Variants in DMD observed in about 807,000 individuals in gnomAD.
DMD encodes mutant dystrophin.
A neutral mutation model predicts 330.1 loss-of-function variants in DMD; 63 were observed. That is an observed-to-expected ratio of 0.19 (90% CI 0.16 to 0.24). The LOEUF (loss-of-function observed/expected upper bound fraction) is 0.24, where lower values mean the gene tolerates loss of function less well. DMD is among the 10% of genes least tolerant of loss of function. The pLI is 1.00. For synonymous variants in DMD, 1,223 were observed against 959.8 expected (o/e 1.27, Z -5.07); for missense variants, 3,344 against 2,684.1 (o/e 1.25, Z -5.43).
intron 44 of DMD, among the ~76,000 whole-genome samples, chrX:32,120,869 T>G (rs1056890294): frequency 4.5e-5 from 5 of 112,305 alleles, no homozygotes; most frequent in African/African-American, 1.6e-4. Flanking sequence ...TGTATTATAA[T>G]AGCAACCAAA....
intron 41 of DMD, among the ~76,000 whole-genome samples, chrX:32,312,868 A>G (rs2097568034): frequency 9.8e-6 from 1 of 101,967 alleles, no homozygotes; most frequent in African/African-American, 3.5e-5. Flanking sequence ...TCCCAAGACT[A>G]AACCAGGAAG....
At chrX:33,336,874 A>G (rs2054262169) in intron 1 of DMD, among the ~76,000 whole-genome samples, 1 of 111,057 alleles carries the variant, frequency 9.0e-6, no homozygotes, top group Non-Finnish European at 1.9e-5. Flanking sequence ...AGCAAGAAAT[A>G]TTGGCAGACA....
At chrX:31,718,637 A>G (rs28430385) in intron 52 of DMD, among the ~76,000 whole-genome samples, 14,981 of 110,190 alleles carry the variant, frequency 0.14, 900 homozygotes, top group Admixed American at 0.3. Context: ...TCTCTCCCCA[A>G]CATACGAGGA....
At chrX:32,378,713 G>A (rs1173563791) in intron 34 of DMD, among the ~76,000 whole-genome samples, 1 of 110,583 alleles carries the variant, frequency 9.0e-6, no homozygotes, top group African/African-American at 3.3e-5. Flanking sequence ...ATTTGCTGCA[G>A]TCACATTCCA....
At chrX:31,914,751 G>A (rs751395961) in intron 47 of DMD, among the ~76,000 whole-genome samples, 48 of 112,128 alleles carry the variant, frequency 4.3e-4, no homozygotes, top group African/African-American at 1.4e-3. Context: ...TGGAGGAGTC[G>A]GGGAGGGGGC....
chrX:31,928,601 G>C (rs1207875562), intron 47 of DMD, among the ~76,000 whole-genome samples: 3 of 108,976 alleles, frequency 2.8e-5, no homozygotes, highest in Non-Finnish European at 3.8e-5. Context: ...GCGAGACTCT[G>C]TCTCCAAAAA....
chrX:32,928,123 T>G (rs941111377), intron 2 of DMD, among the ~76,000 whole-genome samples: 6 of 111,148 alleles, frequency 5.4e-5, no homozygotes, highest in African/African-American at 2.0e-4. Flanking sequence ...TATAAAACAT[T>G]AGAAATATTA....
intron 1 of DMD, among the ~76,000 whole-genome samples, chrX:33,141,807 C>T (rs1399329362): frequency 9.0e-6 from 1 of 111,481 alleles, no homozygotes; most frequent in Non-Finnish European, 1.9e-5. Context: ...GCAGTGAATC[C>T]ACAAAAACAG....
intron 44 of DMD, among the ~76,000 whole-genome samples, chrX:32,112,819 C>T (rs1472800444): frequency 9.0e-6 from 1 of 111,338 alleles, no homozygotes; most frequent in East Asian, 2.8e-4. Context: ...TAACAACCTC[C>T]TAGGGAAATC....
At chrX:32,555,794 C>T (rs1182125667) in intron 16 of DMD, among the ~76,000 whole-genome samples, 1 of 111,838 alleles carries the variant, frequency 8.9e-6, no homozygotes, top group African/African-American at 3.3e-5. Context: ...TGGACTTCTT[C>T]CTTACAATCT....
intron 4 of DMD, among the ~76,000 whole-genome samples, chrX:32,834,397 A>G (rs1420480634): frequency 8.9e-6 from 1 of 111,879 alleles, no homozygotes; most frequent in African/African-American, 3.2e-5. Context: ...TGGCTATTTA[A>G]GTTTCTGAAT....
intron 2 of DMD, among the ~76,000 whole-genome samples, chrX:32,998,123 G>C (rs2093173594): frequency 9.1e-6 from 1 of 109,946 alleles, no homozygotes; most frequent in Non-Finnish European, 1.9e-5. Context: ...CTCTTTGGGA[G>C]GCTGAGACTG....
At chrX:31,461,193 TA>T (rs2066506000) in intron 59 of DMD, among the ~76,000 whole-genome samples, 1 of 112,038 alleles carries the variant, frequency 8.9e-6, no homozygotes, top group African/African-American at 3.2e-5. Context: ...ATAAAAGAAA[TA>T]ATAAATGATA....
At chrX:33,008,815 C>CGTGT (rs1569548682) in intron 2 of DMD, among the ~76,000 whole-genome samples, 11 of 36,862 alleles carry the variant, frequency 3.0e-4, no homozygotes, top group African/African-American at 4.0e-4. Flanking sequence ...TATATATACA[C>CGTGT]ATAAATGTAT....
chrX:32,936,852 G>A (rs914958540), intron 2 of DMD, among the ~76,000 whole-genome samples: 6 of 111,803 alleles, frequency 5.4e-5, no homozygotes, highest in Non-Finnish European at 1.1e-4. Context: ...AGGTGCTTGC[G>A]TCTGAGACAC....
At chrX:31,142,641 A>G (rs1401706157) in intron 76 of DMD, among the ~76,000 whole-genome samples, 1 of 112,478 alleles carries the variant, frequency 8.9e-6, no homozygotes, top group African/African-American at 3.2e-5. Flanking sequence ...TAATTTTTAA[A>G]TCAATAAAAT....
chrX:32,942,172 G>C (rs2090469023), intron 2 of DMD, among the ~76,000 whole-genome samples: 1 of 111,082 alleles, frequency 9.0e-6, no homozygotes, highest in Non-Finnish European at 1.9e-5. Context: ...AGGGAGATTT[G>C]GTAGATAAAG....
intron 44 of DMD, among the ~76,000 whole-genome samples, chrX:32,149,219 A>G (rs187385760): frequency 3.3e-4 from 37 of 111,871 alleles, no homozygotes; most frequent in African/African-American, 1.1e-3. Flanking sequence ...GCCAGCAGTT[A>G]GAGGCATCTA....
At chrX:31,478,474 AG>A in intron 58 of DMD, 100 bp from the exon 59 acceptor site, 1 of 1,091,883 alleles carries the variant, frequency 9.2e-7, no homozygotes, top group Non-Finnish European at 1.3e-6. Flanking sequence ...GTTGAACAAG[AG>A]GGTAACCTAC....
Sources: allele counts gnomAD v4.1 joint callset (sites outside exome capture counted in the v4.1 genomes callset), GRCh38; gene constraint gnomAD v4.1.1; transcripts MANE v1.5; gene names NCBI Gene and HGNC (gene_info 2026-07-23, HGNC 2026-07-21).